DGCR2: variants seen among roughly 807,000 people sequenced by gnomAD.
The protein encoded by DGCR2 is DiGeorge syndrome critical region gene 2.
A neutral mutation model predicts 51.6 loss-of-function variants in DGCR2; 24 were observed. The ratio of observed to expected loss-of-function variants is 0.47; its 90% CI spans 0.34 to 0.65. DGCR2 has a LOEUF of 0.65. Among genes scored for constraint, DGCR2 ranks in the 30% least tolerant of loss-of-function variants. DGCR2 has a pLI of 0.01. For missense variants in DGCR2, 765 were observed against 772.1 expected (o/e 0.99, Z 0.11); for synonymous variants, 340 against 315.4 (o/e 1.08, Z -0.82).
intron 7 of DGCR2, among the ~76,000 whole-genome samples, chr22:19,044,460 CAGA>C (rs1328777116): frequency 2.0e-5 from 3 of 152,234 alleles, no homozygotes; most frequent in African/African-American, 4.8e-5. Context: ...CCATGGGGAG[CAGA>C]AGGTCAGCAG....
chr22:19,059,275 C>G (rs73157297), intron 5 of DGCR2, among the ~76,000 whole-genome samples: 1,651 of 152,134 alleles, frequency 0.011, 18 homozygotes, highest in Non-Finnish European at 0.014. Flanking sequence ...ACAGAGGCCA[C>G]GAGCACAATC....
At position 19,089,568 on chromosome 22, in the gene DGCR2, C is replaced by G. The variant is rs1162167034; in HGVS notation, c.80-78G>C. The stretch of plus-strand genomic sequence containing the variant: ...ACCATAGCCCATGGGCTGGATCAAT[C>G]TCTTCCCATTTGTTTGTTTGTTTGT... On this transcript the variant is annotated intron_variant, in intron 1 of 9. Transcript: ENST00000263196. The G allele has an allele frequency of 5.8e-6, 8 of 1,368,704 alleles. No homozygotes were observed. The South Asian group carries it at 8.8e-5, about 15-fold the overall frequency. 84.8% of individuals were successfully genotyped at this position (1,368,704 alleles called of 1,614,324 possible). A position where few individuals can be genotyped will look rare whatever the true frequency, so the allele number is the denominator to read the frequency against.
chr22:19,040,920 G>T, intron 9 of DGCR2, 138 bp downstream of exon 9: 1 of 781,100 alleles, frequency 1.3e-6, no homozygotes, highest in Non-Finnish European at 2.0e-6. Context: ...CCCAGGAGAA[G>T]CCTTAAAGGA....
Position 19,068,214 on chromosome 22 carries a change from C to G in DGCR2, c.214G>C (p.Glu72Gln). Residue 72 changes from glutamate to glutamine, a missense_variant, in exon 3 of 10, where the codon GAG (glutamate) becomes CAG (glutamine). Coordinates refer to ENST00000263196, the MANE Select transcript of DGCR2 (RefSeq NM_005137.3). ...DEANCPEVTG[E>Q]VRPHHGKEAV... Reference sequence around the variant, plus strand: ...TCCTTCCCATGATGAGGACGCACCTCCCCGGTCACTTCTGAAAGCAAAAGG... The same window carrying G: ...TCCTTCCCATGATGAGGACGCACCTGCCCGGTCACTTCTGAAAGCAAAAGG... The G allele has an allele frequency of 6.2e-7, 1 of 1,600,714 alleles. No individual in the cohort carries two copies. Among genetic ancestry groups the G allele is most frequent in the Non-Finnish European group, 8.5e-7 (1 of 1,173,938 alleles).
intron 7 of DGCR2, 24 bp downstream of exon 7, chr22:19,048,416 G>T: frequency 6.2e-7 from 1 of 1,613,052 alleles, no homozygotes; most frequent in Non-Finnish European, 8.5e-7. Context: ...AGGCTGACTT[G>T]GGACGTCCTA....
chr22:19,082,380 C>T (rs1051179382), intron 2 of DGCR2, among the ~76,000 whole-genome samples: 3 of 151,658 alleles, frequency 2.0e-5, no homozygotes, highest in Non-Finnish European at 4.4e-5. Flanking sequence ...TTTCAATAAA[C>T]GAGAGATCTT....
rs773477015 is a variant in DGCR2, at chr22:19,097,433, A to AT, written c.80-7944dup. ...GCCAGGTGTGGTGCGGGTGCCTGTA[A>AT]TCCCAGCTACTCTGGAGGCTGAGGC... On this transcript the variant is annotated intron_variant, in intron 1 of 9. Transcript: ENST00000263196. Among the ~76,000 whole-genome samples the AT allele has an allele frequency of 1.1e-4, 16 of 152,196 alleles. No homozygotes were observed. The East Asian group carries it at 2.9e-3, about 28-fold the overall frequency.
chr22:19,063,313 C>T (rs566473750), intron 4 of DGCR2, 35 bp from the exon 5 acceptor site: 24 of 1,591,320 alleles, frequency 1.5e-5, no homozygotes, highest in East Asian at 6.7e-5. Flanking sequence ...GAGATCTCAG[C>T]GGCAGGAGGG....
chr22:19,103,416 CTTTTTTTTTTTT>C (rs55877455), intron 1 of DGCR2, among the ~76,000 whole-genome samples: 1,250 of 67,672 alleles, frequency 0.018, 20 homozygotes, highest in African/African-American at 0.058. Flanking sequence ...AAAAAAAGTT[CTTTTTTTTTTTT>C]TTTTTTTTTT....
At position 19,057,220 on chromosome 22, in the gene DGCR2, A is replaced by G; in HGVS notation, c.626-58T>C. ...CATCACATCAGAGGACAAGCTGTGC[A>G]GTCCTCAAGGGGACCATGGCGTCAG... On this transcript the variant is annotated intron_variant, in intron 5 of 9. Coordinates refer to ENST00000263196, the MANE Select transcript of DGCR2 (RefSeq NM_005137.3). This position sits in a 1 kb window ranked among gnomAD's most constrained non-coding sequence, Gnocchi z 5.1. 1 of 1,492,594 alleles carries G rather than the reference A, an allele frequency of 6.7e-7. No individual in the cohort carries two copies. 92.5% of individuals were successfully genotyped at this position (1,492,594 alleles called of 1,614,324 possible). A position where few individuals can be genotyped will look rare whatever the true frequency, so the allele number is the denominator to read the frequency against.
intron 6 of DGCR2, 78 bp from the exon 7 acceptor site, chr22:19,048,721 A>T: frequency 1.4e-6 from 2 of 1,463,690 alleles, no homozygotes; most frequent in African/African-American, 2.8e-5. Context: ...ACACTGCCAA[A>T]AAAGGTAGCC....
intron 1 of DGCR2, among the ~76,000 whole-genome samples, chr22:19,101,785 C>G (rs1281310742): frequency 6.7e-6 from 1 of 148,598 alleles, no homozygotes; most frequent in African/African-American, 2.5e-5. Context: ...TGGTGGCTCA[C>G]CACACTCGTC....
At position 19,039,038 on chromosome 22, in the gene DGCR2, C is replaced by T. The variant is rs987769120; in HGVS notation, c.1480G>A (p.Glu494Lys). The change falls in exon 10 of 10, where the codon GAG becomes AAG. Residue 494 changes from glutamate to lysine, a missense_variant. Glu to Lys is a moderately conservative substitution (Grantham distance 56, BLOSUM62 1). Around this residue, in one of 3 missense-constraint regions of DGCR2, gnomAD observed 205 missense variants for 181.4 expected, o/e 1.13. Coordinates refer to ENST00000263196, the MANE Select transcript of DGCR2 (RefSeq NM_005137.3). ...GSEGALLRRLEQPLPTAGASL... is the reference protein window; with the variant it reads ...GSEGALLRRLKQPLPTAGASL... The stretch of plus-strand genomic sequence containing the variant: ...GCCCCCGCAGTGGGCAGAGGCTGCT[C>T]CAGGCGCCGGAGTAATGCACCTTCA... The T allele has an allele frequency of 6.2e-7, 1 of 1,612,960 alleles. No homozygotes were observed. Among genetic ancestry groups the T allele is most frequent in the Admixed American group, 1.7e-5 (1 of 60,016 alleles).
intron 3 of DGCR2, 35 bp from the exon 4 acceptor site, chr22:19,065,102 G>C (rs773875008): frequency 6.3e-7 from 1 of 1,591,238 alleles, no homozygotes; most frequent in East Asian, 2.3e-5. Context: ...CCCCAAGTTA[G>C]GATCCAGCTC....
At chr22:19,077,837 T>C (rs1311243647) in intron 2 of DGCR2, among the ~76,000 whole-genome samples, 3 of 151,900 alleles carry the variant, frequency 2.0e-5, no homozygotes, top group Non-Finnish European at 4.4e-5. Flanking sequence ...TTTGTCTTTT[T>C]TTTTTTTTTG....
chr22:19,059,820 C>G (rs1016668358), intron 5 of DGCR2, among the ~76,000 whole-genome samples: 2 of 152,126 alleles, frequency 1.3e-5, no homozygotes, highest in Non-Finnish European at 2.9e-5. Context: ...CACATCCTCT[C>G]CCACATGTGC....
chr22:19,042,189 A>G (rs1211512496), intron 7 of DGCR2, among the ~76,000 whole-genome samples: 1 of 152,312 alleles, frequency 6.6e-6, no homozygotes, highest in East Asian at 1.9e-4. Context: ...GCATCTCACC[A>G]TGGCCCCAGG....
chr22:19,068,691 G>C (rs981073773), intron 2 of DGCR2, among the ~76,000 whole-genome samples: 4 of 152,188 alleles, frequency 2.6e-5, no homozygotes, highest in Non-Finnish European at 4.4e-5. Context: ...CCTGGGGCCT[G>C]AGCTGCCTAT....
intron 2 of DGCR2, among the ~76,000 whole-genome samples, chr22:19,087,445 A>G (rs1241835141): frequency 6.6e-6 from 1 of 152,086 alleles, no homozygotes; most frequent in Admixed American, 6.5e-5. Flanking sequence ...GCTGGAGCGC[A>G]CTGGCATGAT....
Sources: gnomAD v4.1 joint callset for allele counts (sites outside exome capture counted in the v4.1 genomes callset) on GRCh38, gnomAD v4.1.1 for gene constraint, gnomAD v4.1.1 regional missense constraint, Gnocchi (gnomAD v3.1) non-coding constraint, MANE v1.5 for transcripts, NCBI Gene and HGNC (gene_info 2026-07-23, HGNC 2026-07-21) for gene names.